PCBP3: variants seen among roughly 807,000 people sequenced by gnomAD.
PCBP3 encodes the protein poly(rC)-binding protein 3.
In PCBP3, 25 loss-of-function variants were observed where a neutral mutation model predicts 52.7. The ratio of observed to expected loss-of-function variants is 0.47; its 90% CI spans 0.35 to 0.66. The LOEUF (loss-of-function observed/expected upper bound fraction) is 0.66. Among genes scored for constraint, PCBP3 ranks in the 30% least tolerant of loss-of-function variants. The pLI, the probability that PCBP3 is intolerant of heterozygous loss-of-function variation, is 0.01. For missense variants in PCBP3, 391 were observed against 490.3 expected (o/e 0.80, Z 1.91); for synonymous variants, 162 against 183.0 (o/e 0.89, Z 0.93).
In PCBP3 at chr21:45,791,388, T is replaced by A. The variant is rs560053390; in HGVS notation, c.-126+35936T>A. 6.7e-6 allele frequency among the ~76,000 whole-genome samples: 1 copy of A among 149,122 alleles called. No homozygotes were observed. Among genetic ancestry groups the A allele is most frequent in the East Asian group, 2.1e-4 (1 of 4,670 alleles). On this transcript the variant is annotated intron_variant, in intron 4 of 17. Coordinates refer to ENST00000681687, the MANE Select transcript of PCBP3 (RefSeq NM_001384156.1). This position sits in a 1 kb window ranked among gnomAD's most constrained non-coding sequence, Gnocchi z 4.2. ...TCTGGTCTGGTGTACACTGAGTCGT[T>A]TGTGTTCTCCAGTTGTGTGCAGCTC...
At chr21:45,757,127 A>G (rs2088131776) in intron 4 of PCBP3, among the ~76,000 whole-genome samples, 1 of 152,216 alleles carries the variant, frequency 6.6e-6, no homozygotes, top group Non-Finnish European at 1.5e-5. Context: ...CAGATGCTGT[A>G]CCATTCGACA....
rs2091593678 is a variant in PCBP3 at position 45,791,733 on chromosome 21, C to T, written c.-126+36281C>T. Among the ~76,000 whole-genome samples, 1 of 152,212 alleles carries T rather than the reference C, an allele frequency of 6.6e-6. No individual in the cohort carries two copies. Among genetic ancestry groups the T allele is most frequent in the African/African-American group, 2.4e-5 (1 of 41,450 alleles). On this transcript the variant is annotated intron_variant, in intron 4 of 17. Transcript: ENST00000681687. This position sits in a 1 kb window ranked among gnomAD's most constrained non-coding sequence, Gnocchi z 4.2. ...TTAGAGAATAGTACTACTTGGTTTC[C>T]CTGGTAACTGCCAACCGCTTGACTG...
chr21:45,941,795 C>G lies in PCBP3; in HGVS notation c.*89C>G. 1.0e-6 allele frequency: 1 copy of G among 1,000,880 alleles called. No individual in the cohort carries two copies. The highest frequency in any genetic ancestry group is 1.5e-6 in the Non-Finnish European group (1 of 677,252). The allele number at this position is 1,000,880 out of a possible 1,614,324, so 62.0% of individuals were successfully genotyped here. A position where few individuals can be genotyped will look rare whatever the true frequency, so the allele number is the denominator to read the frequency against. ...ACTCTGTACAGCCCACCTTCCCTGC[C>G]TCACAGATACCAATAGAGAGGTTTT... On this transcript the variant is annotated 3_prime_UTR_variant, in exon 18 of 18. Transcript: ENST00000681687.
intron 4 of PCBP3, among the ~76,000 whole-genome samples, chr21:45,849,660 G>T (rs1411877175): frequency 6.6e-6 from 1 of 152,172 alleles, no homozygotes; most frequent in Non-Finnish European, 1.5e-5. Flanking sequence ...AATCAGTGTA[G>T]ATATAAGGAA....
At chr21:45,897,507 C>G (rs1345670229) in intron 6 of PCBP3, among the ~76,000 whole-genome samples, 1 of 152,204 alleles carries the variant, frequency 6.6e-6, no homozygotes, top group Non-Finnish European at 1.5e-5. Context: ...GCATGTGTTT[C>G]TATCCTCTGG....
intron 1 of PCBP3, among the ~76,000 whole-genome samples, chr21:45,668,543 T>C (rs1569096444): frequency 6.8e-6 from 1 of 148,092 alleles, no homozygotes; most frequent in African/African-American, 2.5e-5. Flanking sequence ...TGGTTGGTTT[T>C]CAAGACTACT....
At chr21:45,925,038 G>A (rs528118136) in intron 13 of PCBP3, among the ~76,000 whole-genome samples, 2 of 95,794 alleles carry the variant, frequency 2.1e-5, no homozygotes, top group South Asian at 2.9e-4. Flanking sequence ...GAACAGTCGA[G>A]TGGGTAGAAA....
chr21:45,940,782 C>CGCCAGGCACACTGTACCACCAGCTCCCCA (rs2077375614), intron 17 of PCBP3, among the ~76,000 whole-genome samples: 1 of 129,346 alleles, frequency 7.7e-6, no homozygotes, highest in African/African-American at 3.6e-5. Flanking sequence ...CCACCAGCCC[C>CGCCAGGCACACTGTACCACCAGCTCCCCA]GCCAGGCACA....
intron 2 of PCBP3, among the ~76,000 whole-genome samples, chr21:45,725,835 C>T (rs1382130892): frequency 7.1e-6 from 1 of 139,982 alleles, no homozygotes; most frequent in Non-Finnish European, 1.5e-5. Context: ...AGGCAGGAGG[C>T]GTGCATGGAG....
Position 45,940,062 on chromosome 21 carries a change from C to T in PCBP3, c.942C>T (p.Thr314=). 2 of 1,614,124 alleles carry T rather than the reference C, an allele frequency of 1.2e-6. No individual in the cohort carries two copies. The highest frequency in any genetic ancestry group is 8.5e-7 in the Non-Finnish European group (1 of 1,179,990). ...LIGCIIGRQG[T]KINEIRQMSG... is the part of the protein sequence containing the mutation. Reference sequence around the variant, plus strand: ...GCTGCATAATTGGACGCCAAGGGACCAAAATCAATGAAATTCGACAGATGT... The same window carrying T: ...GCTGCATAATTGGACGCCAAGGGACTAAAATCAATGAAATTCGACAGATGT... Residue 314 remains threonine, a synonymous_variant, in exon 17 of 18, where the codon ACC becomes ACT. Transcript: ENST00000681687.
At chr21:45,730,888 C>T (rs1173699533) in intron 2 of PCBP3, among the ~76,000 whole-genome samples, 1 of 151,968 alleles carries the variant, frequency 6.6e-6, no homozygotes, top group Non-Finnish European at 1.5e-5. Flanking sequence ...TTTTTCCCAT[C>T]CTTTTTCTTT....
intron 11 of PCBP3, 179 bp downstream of exon 11, chr21:45,911,209 C>A (rs1203701457): frequency 1.4e-6 from 1 of 705,438 alleles, no homozygotes; most frequent in East Asian, 2.7e-5. Flanking sequence ...CACAGGGGTG[C>A]TGGGGCTGCC....
At chr21:45,769,441 A>G (rs1021720837) in intron 4 of PCBP3, among the ~76,000 whole-genome samples, 2 of 152,266 alleles carry the variant, frequency 1.3e-5, no homozygotes, top group Admixed American at 1.3e-4. Context: ...CTGTGGGCGC[A>G]TCGCCTGTGC....
chr21:45,679,742 T>C (rs926446979), intron 2 of PCBP3, among the ~76,000 whole-genome samples: 4 of 152,358 alleles, frequency 2.6e-5, no homozygotes, highest in African/African-American at 4.8e-5. Context: ...AAGTGCATAT[T>C]ATCAGTTCTT....
At chr21:45,848,990 G>C (rs775253123) in intron 4 of PCBP3, among the ~76,000 whole-genome samples, 4 of 152,180 alleles carry the variant, frequency 2.6e-5, no homozygotes, top group Non-Finnish European at 5.9e-5. Flanking sequence ...GACACAGGTG[G>C]TTTACCAGGT....
intron 1 of PCBP3, among the ~76,000 whole-genome samples, chr21:45,654,803 G>A (rs1450158120): frequency 2.0e-5 from 3 of 152,190 alleles, no homozygotes; most frequent in Middle Eastern, 3.4e-3. Flanking sequence ...TCATGCAACT[G>A]TCATTACTAC....
At position 45,875,182 on chromosome 21, in the gene PCBP3, G is replaced by A. The variant is rs145509402; in HGVS notation, c.11-21026G>A. Reference sequence around the variant, plus strand: ...TGTTGCGCGCTCCGGCTGACTCACCGGGGCTGGGGGCCCTTCCACGCGGCG... The same window carrying A: ...TGTTGCGCGCTCCGGCTGACTCACCAGGGCTGGGGGCCCTTCCACGCGGCG... On this transcript the variant is annotated intron_variant, in intron 5 of 17. Transcript: ENST00000681687. Among the ~76,000 whole-genome samples, 1,141 of 152,074 alleles carry A rather than the reference G, an allele frequency of 7.5e-3. 6 individuals carry two copies. The highest frequency in any genetic ancestry group is 0.012 in the Non-Finnish European group (831 of 67,944).
chr21:45,803,459 G>A (rs111501423), intron 4 of PCBP3, among the ~76,000 whole-genome samples: 2 of 152,138 alleles, frequency 1.3e-5, no homozygotes, highest in East Asian at 1.9e-4. Flanking sequence ...GCTTGGGGGC[G>A]GGCCATGAGG....
intron 1 of PCBP3, among the ~76,000 whole-genome samples, chr21:45,644,574 C>G (rs937780655): frequency 6.6e-6 from 1 of 152,116 alleles, no homozygotes; most frequent in African/African-American, 2.4e-5. Context: ...ATATTACTGG[C>G]ATAAGAAATT....
Sources: allele counts gnomAD v4.1 joint callset (sites outside exome capture counted in the v4.1 genomes callset), GRCh38; gene constraint gnomAD v4.1.1; non-coding constraint Gnocchi (gnomAD v3.1); transcripts MANE v1.5; gene names NCBI Gene and HGNC (gene_info 2026-07-23, HGNC 2026-07-21).